FGD4: variants seen among roughly 807,000 people sequenced by gnomAD.
The protein encoded by FGD4 is FYVE, RhoGEF and PH domain containing 4, also known as FYVE, RhoGEF and PH domain-containing protein 4.
FGD4 carries 42 observed loss-of-function variants against 102.0 expected under a neutral mutation model. The observed-to-expected ratio is 0.41, with a 90% CI of 0.32 to 0.53. The LOEUF is 0.53. FGD4 is among the 20% of genes least tolerant of loss of function. FGD4 has a pLI of 0.21. For synonymous variants in FGD4, 380 were observed against 375.7 expected, an observed-to-expected ratio of 1.01 and a Z score of -0.13; for missense variants, 902 against 1,078.2, an observed-to-expected ratio of 0.84 and a Z score of 2.29.
At chr12:32,410,277 G>A (rs1051213465) in intron 1 of FGD4, among the ~76,000 whole-genome samples, 2 of 151,670 alleles carry the variant, frequency 1.3e-5, no homozygotes, top group Non-Finnish European at 2.9e-5. Context: ...GCAGTGAGCC[G>A]AGATTGTGCC....
intron 4 of FGD4, among the ~76,000 whole-genome samples, chr12:32,585,857 AAAAG>A: frequency 7.0e-6 from 1 of 142,032 alleles, no homozygotes; most frequent in Non-Finnish European, 1.6e-5. Flanking sequence ...AAAAAAAAAA[AAAAG>A]GGAAATGCAG....
At chr12:32,624,588 A>AAGAGGCTGAGATGCAAG in intron 12 of FGD4, 136 bp downstream of exon 12, 2 of 754,062 alleles carry the variant, frequency 2.7e-6, no homozygotes, top group Non-Finnish European at 4.5e-6. Flanking sequence ...CTTGCATCTC[A>AAGAGGCTGAGATGCAAG]GCCTCTTGAG....
intron 1 of FGD4, among the ~76,000 whole-genome samples, chr12:32,505,752 A>G (rs1938659831): frequency 6.6e-6 from 1 of 152,206 alleles, no homozygotes; most frequent in Admixed American, 6.5e-5. Context: ...CTTTTGTAAC[A>G]AACCTGTTGA....
intron 2 of FGD4, among the ~76,000 whole-genome samples, chr12:32,570,256 A>AAG (rs1555206076): frequency 4.0e-5 from 6 of 150,928 alleles, no homozygotes; most frequent in Non-Finnish European, 8.9e-5. Context: ...AAAAAAAAAA[A>AAG]AAAAAAGAAA....
At chr12:32,608,535 C>A (rs1447342420) in intron 8 of FGD4, among the ~76,000 whole-genome samples, 14 of 152,204 alleles carry the variant, frequency 9.2e-5, no homozygotes, top group Non-Finnish European at 1.5e-5. Context: ...AACGTGCTAC[C>A]ATAACAGGAA....
chr12:32,511,633 A>T (rs1245414662), intron 1 of FGD4, among the ~76,000 whole-genome samples: 1 of 152,084 alleles, frequency 6.6e-6, no homozygotes, highest in South Asian at 2.1e-4. Flanking sequence ...TTTGGTGGTT[A>T]TGTTAAATGA....
At chr12:32,573,105 T>G (rs1283843475) in intron 2 of FGD4, among the ~76,000 whole-genome samples, 5 of 152,212 alleles carry the variant, frequency 3.3e-5, no homozygotes, top group African/African-American at 1.2e-4. Context: ...GAATTGGATT[T>G]TTTTTTTGAG....
At chr12:32,624,762 C>T (rs1950049017) in intron 12 of FGD4, 2 of 627,032 alleles carry the variant, frequency 3.2e-6, no homozygotes, top group Non-Finnish European at 5.7e-6. Flanking sequence ...GTGTGAGCCA[C>T]CACGCCCAGC....
intron 5 of FGD4, chr12:32,600,499 G>C: frequency 1.6e-6 from 2 of 1,258,766 alleles, no homozygotes; most frequent in Non-Finnish European, 2.1e-6. Flanking sequence ...TAACAGAATG[G>C]CAATTAAGAG....
chr12:32,593,883 A>G (rs1373601072), intron 4 of FGD4, among the ~76,000 whole-genome samples: 1 of 152,250 alleles, frequency 6.6e-6, no homozygotes, highest in Non-Finnish European at 1.5e-5. Context: ...ACTGCTACTA[A>G]TAACAACATG....
At chr12:32,624,926 G>A (rs1950057773) in intron 12 of FGD4, 50 bp from the exon 13 acceptor site, 1 of 1,454,548 alleles carries the variant, frequency 6.9e-7, no homozygotes, top group South Asian at 1.1e-5. Flanking sequence ...ATATTCATTG[G>A]TTTATATGAG....
intron 1 of FGD4, among the ~76,000 whole-genome samples, chr12:32,495,588 T>C (rs1449385187): frequency 2.0e-5 from 3 of 149,752 alleles, no homozygotes; most frequent in African/African-American, 7.4e-5. Context: ...CCCAGCTACT[T>C]GGGAGGCTGA....
At chr12:32,465,537 G>A (rs1003505682) in intron 1 of FGD4, among the ~76,000 whole-genome samples, 16 of 151,930 alleles carry the variant, frequency 1.1e-4, no homozygotes, top group South Asian at 2.1e-4. Flanking sequence ...GCGTGGTGGC[G>A]CACACCTGTA....
rs573871665 is a variant in FGD4 at position 32,569,387 on chromosome 12, C to A, written c.319+5098C>A. On this transcript the variant is annotated intron_variant, in intron 2 of 16. Transcript: ENST00000534526. ...AAATAAGTGGTCCAGAGTCTACTTT[C>A]TCAGGCCTCCCTATGCACTACTTTT... 3.3e-5 allele frequency among the ~76,000 whole-genome samples: 5 copies of A among 152,272 alleles called. No homozygotes were observed. In the East Asian group the frequency reaches 9.6e-4, roughly 29 times the overall value.
At chr12:32,425,338 C>T (rs1181716088) in intron 1 of FGD4, among the ~76,000 whole-genome samples, 2 of 152,140 alleles carry the variant, frequency 1.3e-5, no homozygotes, top group Non-Finnish European at 2.9e-5. Flanking sequence ...GAATCCTTTC[C>T]CCATTGCTTG....
intron 1 of FGD4, among the ~76,000 whole-genome samples, chr12:32,431,634 C>T (rs952427938): frequency 3.3e-5 from 5 of 151,978 alleles, no homozygotes; most frequent in South Asian, 2.1e-4. Context: ...CTGGGCCGGG[C>T]GCAGTGGCTC....
intron 1 of FGD4, among the ~76,000 whole-genome samples, chr12:32,518,714 G>C (rs1205724565): frequency 6.6e-6 from 1 of 151,858 alleles, no homozygotes; most frequent in East Asian, 1.9e-4. Context: ...TGGAATTCTG[G>C]CAATACTTGG....
At chr12:32,528,316 A>C (rs189925927) in intron 1 of FGD4, among the ~76,000 whole-genome samples, 2 of 152,332 alleles carry the variant, frequency 1.3e-5, no homozygotes, top group African/African-American at 4.8e-5. Flanking sequence ...CATCACCCTC[A>C]TATCGAAATC....
intron 1 of FGD4, among the ~76,000 whole-genome samples, chr12:32,509,110 C>T (rs749071754): frequency 4.6e-5 from 7 of 152,038 alleles, no homozygotes; most frequent in Non-Finnish European, 8.8e-5. Context: ...GAGATTTATC[C>T]GCATTGAAAA....
Sources: gnomAD v4.1 joint callset for allele counts (sites outside exome capture counted in the v4.1 genomes callset) on GRCh38, gnomAD v4.1.1 for gene constraint, MANE v1.5 for transcripts, NCBI Gene and HGNC (gene_info 2026-07-23, HGNC 2026-07-21) for gene names.